Variants in TAFA2 observed in about 807,000 individuals in gnomAD.
The protein encoded by TAFA2 is chemokine-like protein TAFA-2.
A neutral mutation model predicts 18.8 loss-of-function variants in TAFA2; 7 were observed. The ratio of observed to expected loss-of-function variants is 0.37; its 90% CI spans 0.21 to 0.70. The LOEUF is 0.70. TAFA2 is among the 30% of genes least tolerant of loss of function. The probability of loss-of-function intolerance (pLI) is 0.53; values close to 1 mark genes in which losing one functional copy is unlikely to be tolerated. For missense variants in TAFA2, 122 were observed against 158.1 expected, an observed-to-expected ratio of 0.77 and a Z score of 1.23; for synonymous variants, 60 against 54.2, an observed-to-expected ratio of 1.11 and a Z score of -0.47.
At chr12:62,087,350 CA>C (rs1868497999) in intron 1 of TAFA2, among the ~76,000 whole-genome samples, 1 of 152,090 alleles carries the variant, frequency 6.6e-6, no homozygotes, top group Non-Finnish European at 1.5e-5. Context: ...AAGATAATTT[CA>C]GGCAGTAAGA....
intron 1 of TAFA2, among the ~76,000 whole-genome samples, chr12:62,116,678 G>A (rs1387170472): frequency 2.7e-5 from 4 of 150,848 alleles, no homozygotes; most frequent in African/African-American, 7.4e-5. Flanking sequence ...CTTTACTGTT[G>A]TGTCCCAGCA....
At chr12:62,018,368 T>G (rs1881007699) in intron 1 of TAFA2, among the ~76,000 whole-genome samples, 1 of 152,174 alleles carries the variant, frequency 6.6e-6, no homozygotes, top group African/African-American at 2.4e-5. Flanking sequence ...TATGATTAAG[T>G]GATATCACCA....
intron 1 of TAFA2, among the ~76,000 whole-genome samples, chr12:62,091,560 G>A (rs964293201): frequency 2.0e-5 from 3 of 151,938 alleles, no homozygotes; most frequent in Non-Finnish European, 2.9e-5. Flanking sequence ...TACCCATGAA[G>A]CTGAGGTGGT....
rs148658624 is a variant in TAFA2 at position 61,892,879 on chromosome 12, T to C, written c.-1-25453A>G. ...ATGTCCTAATAGTTTATAGAGTGAA[T>C]AAGTAAATAAATAAATGTGTATATG... On this transcript the variant is annotated intron_variant, in intron 1 of 4. Transcript: ENST00000416284. Among the ~76,000 whole-genome samples, 918 of 152,262 alleles carry C rather than the reference T, an allele frequency of 6.0e-3. 14 individuals are homozygous for C. Among genetic ancestry groups the C allele is most frequent in the African/African-American group, 0.02 (851 of 41,560 alleles).
intron 1 of TAFA2, among the ~76,000 whole-genome samples, chr12:62,029,965 G>GCACT (rs1236636801): frequency 2.0e-5 from 3 of 152,008 alleles, no homozygotes; most frequent in African/African-American, 2.4e-5. Flanking sequence ...TTAACACAGG[G>GCACT]CACTGCTTTC....
chr12:61,967,524 C>T (rs549526189), intron 1 of TAFA2, among the ~76,000 whole-genome samples: 3 of 151,984 alleles, frequency 2.0e-5, no homozygotes, highest in South Asian at 4.1e-4. Flanking sequence ...GAATAAAACA[C>T]GTCCACACAA....
At chr12:62,195,541 T>C (rs572881697), upstream of TAFA2, among the ~76,000 whole-genome samples, 17 of 152,206 alleles carry the variant, frequency 1.1e-4, no homozygotes, top group Non-Finnish European at 2.1e-4. Flanking sequence ...GCAGAACAGA[T>C]GTTGTGTTAG....
intron 1 of TAFA2, among the ~76,000 whole-genome samples, chr12:62,134,175 A>G (rs1221368125): frequency 6.6e-6 from 1 of 151,902 alleles, no homozygotes; most frequent in Non-Finnish European, 1.5e-5. Flanking sequence ...GTCATCCCTG[A>G]CAAACCTACA....
At chr12:61,808,860 A>T (rs1871740169) in intron 2 of TAFA2, among the ~76,000 whole-genome samples, 1 of 151,500 alleles carries the variant, frequency 6.6e-6, no homozygotes, top group Non-Finnish European at 1.5e-5. Context: ...ATGAATTAAC[A>T]ACTATATCAA....
intron 1 of TAFA2, among the ~76,000 whole-genome samples, chr12:62,028,274 C>T (rs564744565): frequency 6.6e-6 from 1 of 152,110 alleles, no homozygotes; most frequent in Admixed American, 6.5e-5. Context: ...TCAATAACCT[C>T]GTCTATCTAG....
chr12:62,091,107 T>C (rs1868692586), intron 1 of TAFA2, among the ~76,000 whole-genome samples: 2 of 152,036 alleles, frequency 1.3e-5, no homozygotes, highest in Admixed American at 6.6e-5. Context: ...GTACCTCCTT[T>C]TCTTATCTCA....
intron 1 of TAFA2, among the ~76,000 whole-genome samples, chr12:61,951,112 C>A (rs1878450144): frequency 6.6e-6 from 1 of 152,072 alleles, no homozygotes; most frequent in Non-Finnish European, 1.5e-5. Flanking sequence ...CAGAAAAAGA[C>A]TCACTGAGAA....
chr12:62,044,295 A>C (rs1376980009), intron 1 of TAFA2, among the ~76,000 whole-genome samples: 1 of 152,136 alleles, frequency 6.6e-6, no homozygotes, highest in Non-Finnish European at 1.5e-5. Flanking sequence ...TGAGTGTTTT[A>C]ACATTTGAAA....
intron 1 of TAFA2, among the ~76,000 whole-genome samples, chr12:61,977,290 C>A (rs1021912192): frequency 6.6e-6 from 1 of 151,980 alleles, no homozygotes; most frequent in East Asian, 1.9e-4. Context: ...AATACATCAT[C>A]TCCAAATTTT....
At chr12:61,739,588 C>G (rs540741937) in intron 4 of TAFA2, among the ~76,000 whole-genome samples, 3 of 152,024 alleles carry the variant, frequency 2.0e-5, no homozygotes, top group African/African-American at 7.2e-5. Context: ...GTAGGTACAA[C>G]GTGAATTATT....
chr12:62,179,999 A>C (rs1257069846), intron 1 of TAFA2, among the ~76,000 whole-genome samples: 1 of 152,200 alleles, frequency 6.6e-6, no homozygotes, highest in Non-Finnish European at 1.5e-5. Flanking sequence ...ACAAACCCTG[A>C]AGTTCACCTT....
At chr12:62,001,548 T>C (rs563731100) in intron 1 of TAFA2, among the ~76,000 whole-genome samples, 125 of 152,212 alleles carry the variant, frequency 8.2e-4, no homozygotes, top group African/African-American at 2.9e-3. Context: ...ATCCCTCACA[T>C]GCGCAGATCA....
At chr12:61,898,002 A>G (rs573750461) in intron 1 of TAFA2, among the ~76,000 whole-genome samples, 2 of 152,332 alleles carry the variant, frequency 1.3e-5, no homozygotes, top group Admixed American at 1.3e-4. Context: ...AATGGGAGAA[A>G]TTGTCCAAAA....
intron 1 of TAFA2, among the ~76,000 whole-genome samples, chr12:62,017,113 A>T (rs34008431): frequency 0.35 from 53,913 of 152,038 alleles, 9,978 homozygotes; most frequent in Non-Finnish European, 0.39. Context: ...AATACTATTA[A>T]TGTTTCATAC....
Sources: allele counts gnomAD v4.1 joint callset (sites outside exome capture counted in the v4.1 genomes callset), GRCh38; gene constraint gnomAD v4.1.1; transcripts MANE v1.5; gene names NCBI Gene and HGNC (gene_info 2026-07-23, HGNC 2026-07-21).